The following WASF2 variants were observed in gnomAD, a reference collection of about 807,000 sequenced individuals.
WASF2 encodes actin-binding protein WASF2.
In WASF2, 14 loss-of-function variants were observed where a neutral mutation model predicts 45.0. That is an observed-to-expected ratio of 0.31 (90% CI 0.21 to 0.49). The LOEUF (loss-of-function observed/expected upper bound fraction) is 0.49. Ranked by LOEUF, WASF2 falls within the 20% of genes least tolerant of loss-of-function variation. The pLI, the probability that WASF2 is intolerant of heterozygous loss-of-function variation, is 0.99. For synonymous variants in WASF2, 200 were observed against 236.3 expected (o/e 0.85, Z 1.41); for missense variants, 439 against 636.1 (o/e 0.69, Z 3.33).
At chr1:27,468,670 A>G (rs2017648459) in intron 1 of WASF2, among the ~76,000 whole-genome samples, 1 of 149,028 alleles carries the variant, frequency 6.7e-6, no homozygotes, top group Admixed American at 6.7e-5. Flanking sequence ...AACTGAGAGA[A>G]CCTGTAGATT....
chr1:27,448,841 C>CAAAAA (rs11371995), intron 1 of WASF2, among the ~76,000 whole-genome samples: 1 of 67,056 alleles, frequency 1.5e-5, no homozygotes, highest in African/African-American at 5.2e-5. Flanking sequence ...GACCTCATCT[C>CAAAAA]AAAAAAAAAA....
intron 1 of WASF2, among the ~76,000 whole-genome samples, chr1:27,434,012 G>A (rs1370798874): frequency 1.3e-5 from 2 of 152,176 alleles, no homozygotes; most frequent in Non-Finnish European, 2.9e-5. Context: ...AGTGATATCT[G>A]CTAATTTGGG....
intron 2 of WASF2, among the ~76,000 whole-genome samples, chr1:27,426,933 T>C (rs2016989406): frequency 6.6e-6 from 1 of 152,154 alleles, no homozygotes; most frequent in Non-Finnish European, 1.5e-5. Flanking sequence ...TATCCAAACC[T>C]GGCATAAAGT....
chr1:27,419,399 T>C (rs2016871473), intron 2 of WASF2, among the ~76,000 whole-genome samples: 2 of 152,152 alleles, frequency 1.3e-5, no homozygotes, highest in South Asian at 4.1e-4. Flanking sequence ...GAAGAAAAGA[T>C]AATATTTCTA....
intron 1 of WASF2, among the ~76,000 whole-genome samples, chr1:27,486,337 T>A (rs1193778895): frequency 6.6e-6 from 1 of 152,196 alleles, no homozygotes; most frequent in Non-Finnish European, 1.5e-5. Context: ...CAAGAACTTT[T>A]TTTTTGGTGC....
rs1250606856 is a variant in WASF2, at chr1:27,423,727, T to G, written c.131-4639A>C. ...AGATACCACATTTTGCAAAAGATTCTAGGAAGCAGTCTTCAATTTTGTTTT... is the reference window on the plus strand; with the variant it reads ...AGATACCACATTTTGCAAAAGATTCGAGGAAGCAGTCTTCAATTTTGTTTT... On this transcript the variant is annotated intron_variant, in intron 2 of 8. Transcript: ENST00000618852. 2.0e-5 allele frequency among the ~76,000 whole-genome samples: 3 copies of G among 152,178 alleles called. No individual in the cohort carries two copies. The East Asian group carries it at 5.8e-4, about 29-fold the overall frequency.
At chr1:27,454,999 C>T (rs1048702484) in intron 1 of WASF2, among the ~76,000 whole-genome samples, 2 of 152,048 alleles carry the variant, frequency 1.3e-5, no homozygotes, top group Non-Finnish European at 2.9e-5. Flanking sequence ...AGTGGAATTT[C>T]TGGGTCACAG....
Position 27,418,335 on chromosome 1 carries a change from A to G in WASF2, c.353T>C (p.Val118Ala). 6.2e-7 allele frequency: 1 copy of G among 1,614,238 alleles called. No individual in the cohort carries two copies. The highest frequency in any genetic ancestry group is 8.5e-7 in the Non-Finnish European group (1 of 1,180,026). Reference sequence around the variant, plus strand: ...GGTATTGTATGTTTCTAAGACAGGCACTGGGAGAGAGTTTCTGTCAAAAAG... The same window carrying G: ...GGTATTGTATGTTTCTAAGACAGGCGCTGGGAGAGAGTTTCTGTCAAAAAG... The part of the protein sequence containing the change: ...QKLFDRNSLP[V>A]PVLETYNTCD... Residue 118 changes from valine to alanine, a missense_variant, in exon 4 of 9, where the codon GTG becomes GCG. By Grantham distance (64) the Val-to-Ala change is moderately conservative. Around this residue, in one of 5 missense-constraint regions of WASF2, gnomAD observed 98 missense variants for 120.7 expected, o/e 0.81. Coordinates refer to ENST00000618852, the MANE Select transcript of WASF2 (RefSeq NM_006990.5).
intron 1 of WASF2, among the ~76,000 whole-genome samples, chr1:27,460,876 C>T (rs547345045): frequency 2.6e-5 from 4 of 152,302 alleles, no homozygotes; most frequent in Non-Finnish European, 5.9e-5. Flanking sequence ...CAGTGGCTCA[C>T]GCCTGTAATC....
rs929395958 is a variant in WASF2 at position 27,445,927 on chromosome 1, T to C, written c.-43-16994A>G. Among the ~76,000 whole-genome samples, 5 of 152,050 alleles carry C rather than the reference T, an allele frequency of 3.3e-5. No homozygotes were observed. In the East Asian group the frequency reaches 7.7e-4, roughly 23 times the overall value. ...CTATGGGTAATTCTTAATCTGTGTA[T>C]GTATATTTTAATATAATATTCTTCT... On this transcript the variant is annotated intron_variant, in intron 1 of 8. Transcript: ENST00000618852.
At position 27,485,642 on chromosome 1, in the gene WASF2, T is replaced by C. The variant is rs116342656; in HGVS notation, c.-44+4344A>G. Among the ~76,000 whole-genome samples, 508 of 152,256 alleles carry C rather than the reference T, an allele frequency of 3.3e-3. 2 individuals are homozygous for C. The highest frequency in any genetic ancestry group is 0.012 in the African/African-American group (494 of 41,550). On this transcript the variant is annotated intron_variant, in intron 1 of 8. Transcript: ENST00000618852. ...TCTGTCTTCTATGTAATATTGTTTT[T>C]AGGACACATGACTTTGAAATTAACT...
chr1:27,420,683 G>A (rs1156395353), intron 2 of WASF2, among the ~76,000 whole-genome samples: 13 of 151,718 alleles, frequency 8.6e-5, no homozygotes, highest in African/African-American at 2.9e-4. Flanking sequence ...CACAACGCCC[G>A]GCTCATTTTT....
In WASF2 at chr1:27,409,904, G is replaced by C. The variant is rs142038871; in HGVS notation, c.1127C>G (p.Pro376Arg). ...PPPPPPAADYPTLPPPPLSQP... is the reference protein window; with the variant it reads ...PPPPPPAADYRTLPPPPLSQP... ...GGACAAGGGAGGTGGTGGCAGAGTT[G>C]GGTAGTCAGCTGCTGGTGGTGGAGG... Residue 376 changes from proline (P) to arginine (R), a missense_variant, in exon 8 of 9, where the codon CCA becomes CGA. By Grantham distance (103) the Pro-to-Arg change is moderately radical. Around this residue, in one of 5 missense-constraint regions of WASF2, gnomAD observed 286 missense variants for 373.5 expected, o/e 0.77. Coordinates refer to ENST00000618852, the MANE Select transcript of WASF2 (RefSeq NM_006990.5). The C allele has an allele frequency of 1.0e-5, 16 of 1,587,458 alleles. No homozygotes were observed. Among genetic ancestry groups the C allele is most frequent in the Non-Finnish European group, 1.4e-5 (16 of 1,164,850 alleles).
chr1:27,449,931 G>A (rs1410412957), intron 1 of WASF2, among the ~76,000 whole-genome samples: 1 of 152,138 alleles, frequency 6.6e-6, no homozygotes, highest in Non-Finnish European at 1.5e-5. Context: ...ATCGTCTGAG[G>A]TCAGGAGTTC....
intron 1 of WASF2, among the ~76,000 whole-genome samples, chr1:27,484,839 A>T (rs2017901977): frequency 2.0e-5 from 3 of 151,758 alleles, no homozygotes; most frequent in Admixed American, 2.0e-4. Context: ...TCTAAAGGAA[A>T]AAAATCAGCT....
chr1:27,472,841 G>A (rs945888443), intron 1 of WASF2, among the ~76,000 whole-genome samples: 46 of 150,214 alleles, frequency 3.1e-4, no homozygotes, highest in Middle Eastern at 3.5e-3. Context: ...GCATGAAGAT[G>A]TGAGCCTGTA....
intron 2 of WASF2, among the ~76,000 whole-genome samples, chr1:27,428,291 C>T (rs2017014606): frequency 6.6e-6 from 1 of 152,182 alleles, no homozygotes; most frequent in Non-Finnish European, 1.5e-5. Flanking sequence ...TGCTTTACTC[C>T]TCTTTGGGAA....
intron 1 of WASF2, among the ~76,000 whole-genome samples, chr1:27,475,856 G>A (rs1453739780): frequency 6.6e-6 from 1 of 152,158 alleles, no homozygotes; most frequent in African/African-American, 2.4e-5. Context: ...TCAAACTCCT[G>A]GGCTCAAGTG....
intron 1 of WASF2, among the ~76,000 whole-genome samples, chr1:27,448,529 C>T (rs961809874): frequency 2.0e-5 from 3 of 152,208 alleles, no homozygotes; most frequent in Non-Finnish European, 2.9e-5. Context: ...CTTCTACTGA[C>T]AATCCAGTTT....
Sources: allele counts gnomAD v4.1 joint callset (sites outside exome capture counted in the v4.1 genomes callset), GRCh38; gene constraint gnomAD v4.1.1; regional missense constraint gnomAD v4.1.1; transcripts MANE v1.5; gene names NCBI Gene and HGNC (gene_info 2026-07-23, HGNC 2026-07-21).